The following TMEM160 variants were observed in gnomAD, a reference collection of about 807,000 sequenced individuals.
The protein encoded by TMEM160 is transmembrane protein 160.
Under a neutral mutation model 13.9 loss-of-function variants are expected in TMEM160, and 10 were observed. The ratio of observed to expected loss-of-function variants is 0.72; its 90% CI spans 0.45 to 1.22. The LOEUF (loss-of-function observed/expected upper bound fraction) is 1.22, where lower values mean the gene tolerates loss of function less well. Ranked by LOEUF, TMEM160 falls within the 50% of genes most tolerant of loss-of-function variation. The pLI is 0.00. For missense variants in TMEM160, 287 were observed against 283.2 expected, an observed-to-expected ratio of 1.01 and a Z score of -0.10; for synonymous variants, 159 against 134.8, an observed-to-expected ratio of 1.18 and a Z score of -1.25.
intron 2 of TMEM160, 67 bp downstream of exon 2, chr19:47,046,526 C>G: frequency 7.4e-7 from 1 of 1,354,894 alleles, no homozygotes; most frequent in Non-Finnish European, 1.1e-6. Flanking sequence ...TCTACTCTCA[C>G]CAGGGCAGGT....
chr19:47,047,870 A>G, intron 1 of TMEM160: 1 of 983,618 alleles, frequency 1.0e-6, no homozygotes. Context: ...TAAAAAAAAA[A>G]CAAACATGGC....
At chr19:47,048,323 T>C in intron 1 of TMEM160, 84 bp downstream of exon 1, 1 of 1,235,236 alleles carries the variant, frequency 8.1e-7, no homozygotes, top group Non-Finnish European at 1.1e-6. Flanking sequence ...CCCCGTTTCC[T>C]GCAGAAGCCC....
At chr19:47,048,126 C>A (rs2057090698) in intron 1 of TMEM160, among the ~76,000 whole-genome samples, 1 of 152,204 alleles carries the variant, frequency 6.6e-6, no homozygotes. Flanking sequence ...AGCCCCTCTC[C>A]CCACGGCAGG....
chr19:47,046,299 C>A, intron 2 of TMEM160, 47 bp from the exon 3 acceptor site: 1 of 1,504,104 alleles, frequency 6.6e-7, no homozygotes, highest in South Asian at 1.3e-5. Context: ...GGGGGATGGT[C>A]TGGGAGCAAA....
intron 1 of TMEM160, chr19:47,047,806 A>T: frequency 1.2e-6 from 1 of 814,420 alleles, no homozygotes; most frequent in Non-Finnish European, 1.5e-6. Flanking sequence ...CGATTGCGCC[A>T]CTGCGGTCCA....
In TMEM160 at chr19:47,046,627, GA is replaced by G; in HGVS notation, c.266del (p.Phe89SerfsTer42). 6.2e-7 allele frequency: 1 copy of G among 1,613,556 alleles called. No individual in the cohort carries two copies. The highest frequency in any genetic ancestry group is 8.5e-7 in the Non-Finnish European group (1 of 1,179,906). Reference protein sequence around the residue: ...LLASGIGVISFMQSDMGREAA... With the variant: ...LLASGIGVISXMQSDMGREAA... ...CTTCCCGACCCATGTCACTCTGCAT[GA>G]AGGAGATGACCCCGATGCCCGATGC... On this transcript the variant is annotated frameshift_variant, in exon 2 of 3. Coordinates refer to ENST00000253047, the MANE Select transcript of TMEM160 (RefSeq NM_017854.2). LOFTEE classifies it high-confidence loss of function.
Position 47,046,652 on chromosome 19 carries a change from G to A in TMEM160, c.242C>T (p.Ala81Val), listed in dbSNP as rs762213003. 1 of 1,613,392 alleles carries A rather than the reference G, an allele frequency of 6.2e-7. No individual in the cohort carries two copies. The highest frequency in any genetic ancestry group is 8.5e-7 in the Non-Finnish European group (1 of 1,179,900). ...GAAGGAGATGACCCCGATGCCCGATGCCAGGAGGCCATTGCGGAACCAGGA... is the reference window on the plus strand; with the variant it reads ...GAAGGAGATGACCCCGATGCCCGATACCAGGAGGCCATTGCGGAACCAGGA... ...FLSWFRNGLL[A>V]SGIGVISFMQ... Residue 81 changes from alanine to valine, a missense_variant, in exon 2 of 3, where the codon GCA (alanine) becomes GTA (valine). Physicochemically the swap from Ala to Val is moderately conservative, Grantham distance 64. Coordinates refer to ENST00000253047, the MANE Select transcript of TMEM160 (RefSeq NM_017854.2).
rs1432116565 is a variant in TMEM160, at chr19:47,046,607, C to T, written c.287G>A (p.Arg96Gln). ...VISFMQSDMGREAAYGFFLLG... is the reference protein window; with the variant it reads ...VISFMQSDMGQEAAYGFFLLG... ...TCTGCACTCACCATATGCTGCTTCC[C>T]GACCCATGTCACTCTGCATGAAGGA... Residue 96 changes from arginine to glutamine, a missense_variant, in exon 2 of 3, where the codon CGG (arginine) becomes CAG (glutamine). Transcript: ENST00000253047. The T allele has an allele frequency of 1.2e-6, 2 of 1,613,292 alleles. No homozygotes were observed. Among genetic ancestry groups the T allele is most frequent in the East Asian group, 2.2e-5 (1 of 44,852 alleles).
chr19:47,046,497 G>T, intron 2 of TMEM160, 96 bp downstream of exon 2: 1 of 1,081,834 alleles, frequency 9.2e-7, no homozygotes, highest in Non-Finnish European at 1.4e-6. Context: ...ACTACTGGGA[G>T]TGGGATGGGG....
chr19:47,046,746 C>T, intron 1 of TMEM160, 61 bp from the exon 2 acceptor site: 1 of 1,284,862 alleles, frequency 7.8e-7, no homozygotes, highest in East Asian at 2.3e-5. Context: ...CTCAATCCCC[C>T]TTACCCAGTC....
At position 47,046,145 on chromosome 19, in the gene TMEM160, C is replaced by T. The variant is rs555363068; in HGVS notation, c.409G>A (p.Val137Met). The change falls in exon 3 of 3, where the codon GTG becomes ATG. Residue 137 changes from valine to methionine, a missense_variant. Physicochemically the swap from Val to Met is conservative, Grantham distance 21. Coordinates refer to ENST00000253047, the MANE Select transcript of TMEM160 (RefSeq NM_017854.2). ...GCGGCCAGCACGGCGCCCGCGCCCA[C>T]GGCCGCGCCCCCCAGCGTCAGCTGC... is the stretch of plus-strand genomic sequence containing the variant. ...PMQLTLGGAA[V>M]GAGAVLAASL... 3 of 1,468,770 alleles carry T rather than the reference C, an allele frequency of 2.0e-6. No homozygotes were observed. The highest frequency in any genetic ancestry group is 3.0e-5 in the African/African-American group (2 of 67,486). 91.0% of individuals were successfully genotyped at this position (1,468,770 alleles called of 1,614,324 possible).
At chr19:47,047,713 G>A in intron 1 of TMEM160, 23 of 550,760 alleles carry the variant, frequency 4.2e-5, no homozygotes, top group Non-Finnish European at 5.3e-5. Context: ...GGGTGCGGTG[G>A]TGTATGCCTG....
chr19:47,048,346 G>T, intron 1 of TMEM160, 61 bp downstream of exon 1: 2 of 1,336,850 alleles, frequency 1.5e-6, no homozygotes, highest in Non-Finnish European at 2.0e-6. Context: ...GCCCCATCAA[G>T]GTCCCACGCG....
At chr19:47,046,387 G>T in intron 2 of TMEM160, 135 bp from the exon 3 acceptor site, 1 of 1,194,100 alleles carries the variant, frequency 8.4e-7, no homozygotes, top group Admixed American at 2.5e-5. Flanking sequence ...AGATCGGAGG[G>T]GAGGGGACCA....
chr19:47,047,708 C>T (rs965301945), intron 1 of TMEM160: 2 of 592,710 alleles, frequency 3.4e-6, no homozygotes, highest in African/African-American at 2.0e-5. Context: ...TAGTTGGGTG[C>T]GGTGGTGTAT....
intron 1 of TMEM160, chr19:47,047,370 A>G (rs1250105743): frequency 5.8e-5 from 57 of 985,084 alleles, no homozygotes; most frequent in Non-Finnish European, 6.4e-5. Context: ...ACTCTGGGAC[A>G]AACTGTTTCC....
chr19:47,047,815 C>T, intron 1 of TMEM160: 1 of 871,158 alleles, frequency 1.1e-6, no homozygotes, highest in East Asian at 1.2e-4. Context: ...CACTGCGGTC[C>T]AGCCTCGGTG....
chr19:47,046,951 C>T (rs909513233), intron 1 of TMEM160, among the ~76,000 whole-genome samples: 1 of 152,354 alleles, frequency 6.6e-6, no homozygotes, highest in East Asian at 1.9e-4. Context: ...GTGGCTCACC[C>T]CTGTAATCCC....
chr19:47,048,353 C>T, intron 1 of TMEM160, 54 bp downstream of exon 1: 2 of 1,395,048 alleles, frequency 1.4e-6, no homozygotes, highest in Non-Finnish European at 9.5e-7. Flanking sequence ...CAAGGTCCCA[C>T]GCGAGCCCGG....
Sources: gnomAD v4.1 joint callset for allele counts (sites outside exome capture counted in the v4.1 genomes callset) on GRCh38, gnomAD v4.1.1 for gene constraint, MANE v1.5 for transcripts, NCBI Gene and HGNC (gene_info 2026-07-23, HGNC 2026-07-21) for gene names.